Variants in IVNS1ABP observed in about 807,000 individuals in gnomAD.
IVNS1ABP encodes the protein influenza virus NS1A binding protein.
In IVNS1ABP, 25 loss-of-function variants were observed where a neutral mutation model predicts 78.9. The observed-to-expected ratio is 0.32, with a 90% CI of 0.23 to 0.44. The LOEUF (loss-of-function observed/expected upper bound fraction) is 0.44, where lower values mean the gene tolerates loss of function less well. Ranked by LOEUF, IVNS1ABP falls within the 20% of genes least tolerant of loss-of-function variation. The probability of loss-of-function intolerance (pLI) is 1.00; values close to 1 mark genes in which losing one functional copy is unlikely to be tolerated. For synonymous variants in IVNS1ABP, 241 were observed against 259.7 expected (o/e 0.93, Z 0.69); for missense variants, 494 against 768.9 (o/e 0.64, Z 4.23).
chr1:185,307,346 G>A, intron 6 of IVNS1ABP, 143 bp downstream of exon 6: 1 of 866,852 alleles, frequency 1.2e-6, no homozygotes, highest in South Asian at 1.8e-5. Context: ...AACTGGTAGG[G>A]AGAAACCCAT....
At chr1:185,307,835 A>T in intron 5 of IVNS1ABP, 173 bp from the exon 6 acceptor site, 1 of 1,238,592 alleles carries the variant, frequency 8.1e-7, no homozygotes, top group Non-Finnish European at 1.1e-6. Context: ...ACATCTAATT[A>T]TGCCATACAG....
intron 1 of IVNS1ABP, among the ~76,000 whole-genome samples, chr1:185,313,401 C>T (rs1002701403): frequency 6.6e-6 from 1 of 152,082 alleles, no homozygotes; most frequent in African/African-American, 2.4e-5. Flanking sequence ...AAAAGCCAGC[C>T]CAAATCTAGA....
chr1:185,310,553 A>T (rs1363259395), intron 2 of IVNS1ABP, among the ~76,000 whole-genome samples: 1 of 152,122 alleles, frequency 6.6e-6, no homozygotes, highest in Non-Finnish European at 1.5e-5. Context: ...CAGTCAGCTG[A>T]GATTGTGCCA....
chr1:185,298,407 T>C lies in IVNS1ABP; in HGVS notation c.1676-119A>G. 1.1e-6 allele frequency: 1 copy of C among 877,314 alleles called. No homozygotes were observed. The allele number at this position is 877,314 out of a possible 1,614,324, so 54.3% of individuals were successfully genotyped here. A position where few individuals can be genotyped will look rare whatever the true frequency, so the allele number is the denominator to read the frequency against. ...TTAAAAATAGAAATGCCTGTTCATT[T>C]TGTCAAAAAGAATTTATTAAATGCC... On this transcript the variant is annotated intron_variant, in intron 14 of 14. Coordinates refer to ENST00000367498, the MANE Select transcript of IVNS1ABP (RefSeq NM_006469.5). This position sits in a 1 kb window ranked among gnomAD's most constrained non-coding sequence, Gnocchi z 4.1.
At chr1:185,304,118 T>G (rs149716599) in intron 8 of IVNS1ABP, among the ~76,000 whole-genome samples, 13 of 152,246 alleles carry the variant, frequency 8.5e-5, no homozygotes, top group African/African-American at 2.9e-4. Context: ...TTACCTCTTG[T>G]GTGAAATATC....
rs1665878341 is a variant in IVNS1ABP, at chr1:185,311,202, G to T, written c.-126C>A. The T allele has an allele frequency of 2.5e-6, 1 of 393,998 alleles. No individual in the cohort carries two copies. Among genetic ancestry groups the T allele is most frequent in the South Asian group, 1.3e-4 (1 of 7,782 alleles). 24.4% of individuals were successfully genotyped at this position (393,998 alleles called of 1,614,324 possible). A position where few individuals can be genotyped will look rare whatever the true frequency, so the allele number is the denominator to read the frequency against. On this transcript the variant is annotated 5_prime_UTR_variant, in exon 2 of 15. Transcript: ENST00000367498. ...GGGTATGAAGACAGGTGGTTGAAAT[G>T]AAGGCAGGTGTGTCTTAAGCTCTAA...
rs2102817333 is a variant in IVNS1ABP at position 185,305,036 on chromosome 1, T to A, written c.765+500A>T. Among the ~76,000 whole-genome samples the A allele has an allele frequency of 6.6e-6, 1 of 152,276 alleles. No homozygotes were observed. The highest frequency in any genetic ancestry group is 2.1e-4 in the South Asian group (1 of 4,828). ...TTAATTCATCTTGGTTAAAGAAACATCTAGATCAGGTTTTAACATATGATC... is the reference window on the plus strand; with the variant it reads ...TTAATTCATCTTGGTTAAAGAAACAACTAGATCAGGTTTTAACATATGATC... On this transcript the variant is annotated intron_variant, in intron 8 of 14. Coordinates refer to ENST00000367498, the MANE Select transcript of IVNS1ABP (RefSeq NM_006469.5). This position sits in a 1 kb window ranked among gnomAD's most constrained non-coding sequence, Gnocchi z 4.0.
At chr1:185,307,915 C>A in intron 5 of IVNS1ABP, 1 of 1,524,852 alleles carries the variant, frequency 6.6e-7, no homozygotes, top group Non-Finnish European at 8.8e-7. Context: ...TAAGTATTTT[C>A]AAGTAGAATA....
rs1665769225 is a variant in IVNS1ABP at position 185,307,490 on chromosome 1, T to G, written c.530A>C (p.Lys177Thr). ...EEEFLKLPRL[K>T]LEVMLEDNVC... ...CTGTTTATAGACTTTACTCCTTACC[T>G]TTAGCCTTGGAAGCTTAAGAAACTC... Residue 177 changes from lysine (K) to threonine (T), a missense_variant and splice_region_variant, in exon 6 of 15, where the codon AAG (lysine) becomes ACG (threonine). Coordinates refer to ENST00000367498, the MANE Select transcript of IVNS1ABP (RefSeq NM_006469.5). The G allele has an allele frequency of 1.2e-6, 2 of 1,611,052 alleles. No homozygotes were observed. Among genetic ancestry groups the G allele is most frequent in the Non-Finnish European group, 1.7e-6 (2 of 1,178,482 alleles).
At position 185,301,529 on chromosome 1, in the gene IVNS1ABP, A is replaced by C; in HGVS notation, c.800T>G (p.Ile267Arg). 6.2e-7 allele frequency: 1 copy of C among 1,613,188 alleles called. No homozygotes were observed. The highest frequency in any genetic ancestry group is 8.5e-7 in the Non-Finnish European group (1 of 1,179,370). ...KPPRENGHKQ[I>R]SSSSTGCLSS... Reference sequence around the variant, plus strand: ...GAGACATCCAGTTGAACTGCTACTTATCTGCTTATGGCCATTCTCACGTGG... The same window carrying C: ...GAGACATCCAGTTGAACTGCTACTTCTCTGCTTATGGCCATTCTCACGTGG... The change falls in exon 9 of 15, where the codon ATA becomes AGA. Residue 267 changes from isoleucine to arginine, a missense_variant. Physicochemically the swap from Ile to Arg is moderately conservative, Grantham distance 97. Transcript: ENST00000367498.
At chr1:185,308,687 A>C in intron 5 of IVNS1ABP, 113 bp downstream of exon 5, 1 of 762,380 alleles carries the variant, frequency 1.3e-6, no homozygotes, top group South Asian at 1.7e-5. Flanking sequence ...CTGAGGGAAA[A>C]AAGGGACATG....
Position 185,305,450 on chromosome 1 carries a change from C to A in IVNS1ABP, c.765+86G>T. The A allele has an allele frequency of 6.8e-7, 1 of 1,475,744 alleles. No individual in the cohort carries two copies. Among genetic ancestry groups the A allele is most frequent in the South Asian group, 1.2e-5 (1 of 80,300 alleles). The allele number at this position is 1,475,744 out of a possible 1,614,324, so 91.4% of individuals were successfully genotyped here. ...TATACCAATGAAATTGGTCCACTTT[C>A]CTTTATTAAAGGAAAATTTAAGTAT... On this transcript the variant is annotated intron_variant, in intron 8 of 14. Transcript: ENST00000367498. The surrounding 1 kb of genome is among the most constrained non-coding windows in gnomAD (Gnocchi z 4.0).
chr1:185,309,630 A>C, intron 2 of IVNS1ABP, 119 bp from the exon 3 acceptor site: 1 of 611,262 alleles, frequency 1.6e-6, no homozygotes, highest in South Asian at 1.9e-5. Context: ...CAACACATAA[A>C]AATTTCATCA....
chr1:185,302,179 A>C (rs921094153), intron 8 of IVNS1ABP, among the ~76,000 whole-genome samples: 2 of 152,172 alleles, frequency 1.3e-5, no homozygotes, highest in Non-Finnish European at 1.5e-5. Flanking sequence ...AGAAAATAGT[A>C]ATCAGAAATG....
intron 1 of IVNS1ABP, among the ~76,000 whole-genome samples, chr1:185,312,631 GCTTACC>G (rs1236287670): frequency 6.6e-6 from 1 of 152,114 alleles, no homozygotes; most frequent in Non-Finnish European, 1.5e-5. Context: ...TGTTGTGAAT[GCTTACC>G]CTTGCATCAA....
chr1:185,307,738 A>G, intron 5 of IVNS1ABP, 76 bp from the exon 6 acceptor site: 1 of 1,430,540 alleles, frequency 7.0e-7, no homozygotes, highest in South Asian at 1.3e-5. Flanking sequence ...AGTGTGGTAA[A>G]GACTATGTGA....
At chr1:185,299,618 G>C in intron 14 of IVNS1ABP, 92 bp downstream of exon 14, 1 of 1,178,574 alleles carries the variant, frequency 8.5e-7, no homozygotes, top group Non-Finnish European at 1.3e-6. Flanking sequence ...ATTCTTAACT[G>C]TACAACTATA....
At chr1:185,304,442 A>T (rs1399616426) in intron 8 of IVNS1ABP, among the ~76,000 whole-genome samples, 1 of 152,106 alleles carries the variant, frequency 6.6e-6, no homozygotes, top group East Asian at 1.9e-4. Context: ...AGAAATATTC[A>T]CTCACTGTTG....
At chr1:185,315,063 C>G (rs1048493017) in intron 1 of IVNS1ABP, among the ~76,000 whole-genome samples, 1 of 152,200 alleles carries the variant, frequency 6.6e-6, no homozygotes, top group South Asian at 2.1e-4. Context: ...ATACTTCAAT[C>G]TACACACACA....
Sources: gnomAD v4.1 joint callset for allele counts (sites outside exome capture counted in the v4.1 genomes callset) on GRCh38, gnomAD v4.1.1 for gene constraint, Gnocchi (gnomAD v3.1) non-coding constraint, MANE v1.5 for transcripts, NCBI Gene and HGNC (gene_info 2026-07-23, HGNC 2026-07-21) for gene names.